HS3ST2: variants seen among roughly 807,000 people sequenced by gnomAD.
HS3ST2 encodes heparan sulfate-glucosamine 3-sulfotransferase 2, also known as heparan sulfate glucosamine 3-O-sulfotransferase 2.
Under a neutral mutation model 26.3 loss-of-function variants are expected in HS3ST2, and 17 were observed. The observed-to-expected ratio is 0.65, with a 90% CI of 0.44 to 0.97. The LOEUF (loss-of-function observed/expected upper bound fraction) is 0.97, where lower values mean the gene tolerates loss of function less well. Among genes scored for constraint, HS3ST2 ranks in the 50% least tolerant of loss-of-function variants. The pLI is 0.00. For synonymous variants in HS3ST2, 237 were observed against 219.2 expected (o/e 1.08, Z -0.72); for missense variants, 402 against 501.2 (o/e 0.80, Z 1.89).
Position 22,814,242 on chromosome 16 carries a change from C to G in HS3ST2, c.-369C>G, listed in dbSNP as rs1240110892. 9.9e-6 allele frequency: 2 copies of G among 201,388 alleles called. No individual in the cohort carries two copies. Among genetic ancestry groups the G allele is most frequent in the African/African-American group, 4.6e-5 (2 of 43,426 alleles). 12.5% of individuals were successfully genotyped at this position (201,388 alleles called of 1,614,324 possible). On this transcript the variant is annotated 5_prime_UTR_variant, in exon 1 of 2. Coordinates refer to ENST00000261374, the MANE Select transcript of HS3ST2 (RefSeq NM_006043.2). ...CCGCCAGCCCGCACAGCCGCGCCGCCGCCGAGCGTTTCGTGAGCGGCGCTC... is the reference window on the plus strand; with the variant it reads ...CCGCCAGCCCGCACAGCCGCGCCGCGGCCGAGCGTTTCGTGAGCGGCGCTC...
chr16:22,881,834 A>G (rs1288449436), intron 1 of HS3ST2, among the ~76,000 whole-genome samples: 1 of 152,158 alleles, frequency 6.6e-6, no homozygotes, highest in African/African-American at 2.4e-5. Context: ...CTGGAATCGA[A>G]CAGGTCCTTT....
intron 1 of HS3ST2, among the ~76,000 whole-genome samples, chr16:22,858,323 G>A (rs1236057732): frequency 1.3e-5 from 2 of 150,364 alleles, no homozygotes; most frequent in East Asian, 3.9e-4. Flanking sequence ...TATACATCTA[G>A]TATGTGCCCA....
chr16:22,852,685 A>G (rs1224495227), intron 1 of HS3ST2, among the ~76,000 whole-genome samples: 1 of 152,104 alleles, frequency 6.6e-6, no homozygotes, highest in African/African-American at 2.4e-5. Context: ...AATTTTCTCC[A>G]GCTGGTTATT....
Position 22,907,803 on chromosome 16 carries a change from G to C in HS3ST2, c.486-7141G>C, listed in dbSNP as rs1417876557. 3.9e-5 allele frequency among the ~76,000 whole-genome samples: 6 copies of C among 152,288 alleles called. No homozygotes were observed. The East Asian group carries it at 1.2e-3, about 29-fold the overall frequency. Reference sequence around the variant, plus strand: ...AGCATCTCTTAGGTGATGGTTAAAGGCTGGGGAAGGAATGAGGTCATCCAG... The same window carrying C: ...AGCATCTCTTAGGTGATGGTTAAAGCCTGGGGAAGGAATGAGGTCATCCAG... On this transcript the variant is annotated intron_variant, in intron 1 of 1. Coordinates refer to ENST00000261374, the MANE Select transcript of HS3ST2 (RefSeq NM_006043.2).
chr16:22,835,119 C>G (rs1901235163), intron 1 of HS3ST2, among the ~76,000 whole-genome samples: 1 of 152,012 alleles, frequency 6.6e-6, no homozygotes. Flanking sequence ...GTAAGAAAGT[C>G]TTAATTTTTT....
intron 1 of HS3ST2, among the ~76,000 whole-genome samples, chr16:22,895,070 C>CT (rs55861016): frequency 0.01 from 1,351 of 134,704 alleles, 10 homozygotes; most frequent in Middle Eastern, 0.038. Context: ...TTCTTTCTTT[C>CT]TTTTTTTTTT....
At chr16:22,855,676 G>GTCTC (rs1555512839) in intron 1 of HS3ST2, among the ~76,000 whole-genome samples, 1 of 123,474 alleles carries the variant, frequency 8.1e-6, no homozygotes, top group Non-Finnish European at 1.7e-5. Context: ...CTTTCTCTCT[G>GTCTC]TCTGTCTCTC....
chr16:22,903,383 T>A (rs535049654), intron 1 of HS3ST2, among the ~76,000 whole-genome samples: 2 of 152,242 alleles, frequency 1.3e-5, no homozygotes, highest in Non-Finnish European at 1.5e-5. Context: ...ATTGTCTTGT[T>A]TATGTCCAAA....
At chr16:22,887,091 T>A (rs988677694) in intron 1 of HS3ST2, among the ~76,000 whole-genome samples, 4 of 151,822 alleles carry the variant, frequency 2.6e-5, no homozygotes, top group African/African-American at 9.7e-5. Flanking sequence ...TTCATCAGAG[T>A]CCCTAGCAGT....
At chr16:22,841,504 A>AAGT (rs1483947246) in intron 1 of HS3ST2, among the ~76,000 whole-genome samples, 1 of 152,152 alleles carries the variant, frequency 6.6e-6, no homozygotes, top group Non-Finnish European at 1.5e-5. Context: ...GGTTATTCTT[A>AAGT]CAGTGTTTAC....
chr16:22,843,350 G>A (rs772647353), intron 1 of HS3ST2, among the ~76,000 whole-genome samples: 20 of 152,082 alleles, frequency 1.3e-4, no homozygotes, highest in Admixed American at 7.9e-4. Context: ...CAGAAACAGC[G>A]TCAGATCCCA....
rs372574971 is a variant in HS3ST2 at position 22,911,657 on chromosome 16, C to A, written c.486-3287C>A. On this transcript the variant is annotated intron_variant, in intron 1 of 1. Coordinates refer to ENST00000261374, the MANE Select transcript of HS3ST2 (RefSeq NM_006043.2). ...CGTCTTGTAGACATCTTACTTCACA[C>A]TCTGCCTTCATCTTCAGGTCACCGT... 6.6e-5 allele frequency among the ~76,000 whole-genome samples: 10 copies of A among 152,344 alleles called. 1 individual carries two copies. In the East Asian group the frequency reaches 1.9e-3, roughly 29 times the overall value.
chr16:22,875,945 G>A (rs1901909123), intron 1 of HS3ST2, among the ~76,000 whole-genome samples: 1 of 152,190 alleles, frequency 6.6e-6, no homozygotes, highest in Non-Finnish European at 1.5e-5. Flanking sequence ...TAGGTTTGTA[G>A]CCTAGGCACA....
chr16:22,884,665 T>A (rs1033028627), intron 1 of HS3ST2, among the ~76,000 whole-genome samples: 33 of 140,270 alleles, frequency 2.4e-4, no homozygotes, highest in East Asian at 2.0e-3. Context: ...AAAAAATATA[T>A]ATATATATAT....
At chr16:22,842,072 T>C (rs1348852494) in intron 1 of HS3ST2, among the ~76,000 whole-genome samples, 1 of 147,700 alleles carries the variant, frequency 6.8e-6, no homozygotes, top group Non-Finnish European at 1.5e-5. Context: ...CTTTTTTTTT[T>C]TTTTTTTTTG....
intron 1 of HS3ST2, among the ~76,000 whole-genome samples, chr16:22,845,856 G>A (rs1001883075): frequency 2.6e-5 from 4 of 152,160 alleles, no homozygotes; most frequent in African/African-American, 9.7e-5. Flanking sequence ...TTCAGATTGA[G>A]TTTTCTTCTC....
At chr16:22,859,396 C>T in intron 1 of HS3ST2, among the ~76,000 whole-genome samples, 1 of 152,276 alleles carries the variant, frequency 6.6e-6, no homozygotes, top group Middle Eastern at 3.4e-3. Flanking sequence ...ATATTGGGGC[C>T]TCACACGTTT....
At chr16:22,860,553 T>C (rs1420560093) in intron 1 of HS3ST2, among the ~76,000 whole-genome samples, 2 of 152,104 alleles carry the variant, frequency 1.3e-5, no homozygotes, top group African/African-American at 4.8e-5. Context: ...ACTATATCAC[T>C]TGCTTTTGGG....
At chr16:22,891,546 A>G (rs1384334429) in intron 1 of HS3ST2, among the ~76,000 whole-genome samples, 1 of 152,234 alleles carries the variant, frequency 6.6e-6, no homozygotes. Flanking sequence ...ATTTCCAAGG[A>G]TTAACATTAC....
Sources: gnomAD v4.1 joint callset for allele counts (sites outside exome capture counted in the v4.1 genomes callset) on GRCh38, gnomAD v4.1.1 for gene constraint, MANE v1.5 for transcripts, NCBI Gene and HGNC (gene_info 2026-07-23, HGNC 2026-07-21) for gene names.